The following SNRPE variants were observed in gnomAD, a reference collection of about 807,000 sequenced individuals.
SNRPE encodes small nuclear ribonucleoprotein E.
For synonymous variants in SNRPE, 35 were observed against 36.7 expected (o/e 0.95, Z 0.17); for missense variants, 53 against 111.6 (o/e 0.48, Z 2.36).
chr1:203,863,398 A>C (rs912872781), intron 2 of SNRPE, among the ~76,000 whole-genome samples: 1 of 151,808 alleles, frequency 6.6e-6, no homozygotes, highest in African/African-American at 2.4e-5. Context: ...GCTCACTGCA[A>C]CCTCTGCCTC....
intron 4 of SNRPE, among the ~76,000 whole-genome samples, chr1:203,865,483 C>T (rs1690067905): frequency 6.6e-6 from 1 of 152,126 alleles, no homozygotes; most frequent in South Asian, 2.1e-4. Context: ...TTTTCTGTTT[C>T]CTCAGTTGAC....
At position 203,865,109 on chromosome 1, in the gene SNRPE, A is replaced by G; in HGVS notation, c.213A>G (p.Arg71=). The change falls in exon 4 of 5, where the codon AGA becomes AGG. Residue 71 remains arginine (R), a synonymous_variant. Coordinates refer to ENST00000414487, the MANE Select transcript of SNRPE (RefSeq NM_003094.4). ...AEEIHSKTKS[R]KQLGRIMLKG... ...AGATTCATTCTAAAACAAAGTCAAG[A>G]AAACAACTGGGTAAGGATAGAAGTG... is the stretch of plus-strand genomic sequence containing the variant. 6.2e-7 allele frequency: 1 copy of G among 1,612,740 alleles called. No individual in the cohort carries two copies. The highest frequency in any genetic ancestry group is 8.5e-7 in the Non-Finnish European group (1 of 1,179,270).
At chr1:203,868,897 A>G (rs979732065) in intron 4 of SNRPE, among the ~76,000 whole-genome samples, 7 of 152,044 alleles carry the variant, frequency 4.6e-5, no homozygotes, top group African/African-American at 1.7e-4. Context: ...CTCGAATCCT[A>G]AGCTCAGGCA....
chr1:203,863,528 C>T lies in SNRPE; in HGVS notation c.82-135C>T, dbSNP rs1690020195. 2.5e-5 allele frequency: 16 copies of T among 645,206 alleles called. 1 individual carries two copies. Among genetic ancestry groups the T allele is most frequent in the South Asian group, 5.9e-5 (3 of 50,524 alleles). 40.0% of individuals were successfully genotyped at this position (645,206 alleles called of 1,614,324 possible). A position where few individuals can be genotyped will look rare whatever the true frequency, so the allele number is the denominator to read the frequency against. ...TAGAGATGGGGTTTCACCATGTTAA[C>T]GAGGATGGTCTCTATCTCTTGACCT... On this transcript the variant is annotated intron_variant, in intron 2 of 4. Transcript: ENST00000414487.
rs1365408167 is a variant in SNRPE, at chr1:203,870,119, T to A, written c.*187T>A. On this transcript the variant is annotated 3_prime_UTR_variant, in exon 5 of 5. Coordinates refer to ENST00000414487, the MANE Select transcript of SNRPE (RefSeq NM_003094.4). Reference sequence around the variant, plus strand: ...CTTCTTACTATTCAGCAGTAGAAACTTTTTACACAGTAACACCATTCGTTG... The same window carrying A: ...CTTCTTACTATTCAGCAGTAGAAACATTTTACACAGTAACACCATTCGTTG... The A allele has an allele frequency of 2.0e-6, 1 of 495,302 alleles. No individual in the cohort carries two copies. The highest frequency in any genetic ancestry group is 2.0e-5 in the African/African-American group (1 of 50,038). 30.7% of individuals were successfully genotyped at this position (495,302 alleles called of 1,614,324 possible).
intron 1 of SNRPE, 65 bp downstream of exon 1, chr1:203,861,778 C>A: frequency 1.7e-6 from 2 of 1,194,390 alleles, no homozygotes; most frequent in Non-Finnish European, 2.5e-6. Flanking sequence ...AAGGCGCAGG[C>A]TGAGGGCAGG....
Position 203,870,106 on chromosome 1 carries a change from C to T in SNRPE, c.*174C>T. On this transcript the variant is annotated 3_prime_UTR_variant, in exon 5 of 5. Transcript: ENST00000414487. Reference sequence around the variant, plus strand: ...AAAATTTACATTGCTTCTTACTATTCAGCAGTAGAAACTTTTTACACAGTA... The same window carrying T: ...AAAATTTACATTGCTTCTTACTATTTAGCAGTAGAAACTTTTTACACAGTA... The T allele has an allele frequency of 4.0e-6, 2 of 504,794 alleles. No homozygotes were observed. The highest frequency in any genetic ancestry group is 8.1e-5 in the Admixed American group (2 of 24,802). 31.3% of individuals were successfully genotyped at this position (504,794 alleles called of 1,614,324 possible). A position where few individuals can be genotyped will look rare whatever the true frequency, so the allele number is the denominator to read the frequency against.
At chr1:203,864,053 C>T (rs1690035788) in intron 3 of SNRPE, among the ~76,000 whole-genome samples, 1 of 152,124 alleles carries the variant, frequency 6.6e-6, no homozygotes, top group Non-Finnish European at 1.5e-5. Context: ...CTCCCGGGCT[C>T]AAGTAGTCCT....
intron 2 of SNRPE, among the ~76,000 whole-genome samples, chr1:203,863,330 C>CA (rs1558156430): frequency 6.6e-6 from 1 of 151,654 alleles, no homozygotes; most frequent in Non-Finnish European, 1.5e-5. Context: ...TTTTTCTTTT[C>CA]TTTTTTTTGA....
At chr1:203,862,125 C>T in intron 1 of SNRPE, 71 bp from the exon 2 acceptor site, 1 of 1,185,324 alleles carries the variant, frequency 8.4e-7, no homozygotes, top group Non-Finnish European at 1.3e-6. Flanking sequence ...ACGGGAATAG[C>T]GTCGTCCGGT....
At chr1:203,864,898 A>AC in intron 3 of SNRPE, 143 bp from the exon 4 acceptor site, 29 of 448,634 alleles carry the variant, frequency 6.5e-5, no homozygotes, top group Non-Finnish European at 7.9e-5. Flanking sequence ...AAAAAAAAAA[A>AC]AAACTTTGGG....
At chr1:203,867,148 C>T (rs1405651532) in intron 4 of SNRPE, among the ~76,000 whole-genome samples, 4 of 142,124 alleles carry the variant, frequency 2.8e-5, no homozygotes, top group Admixed American at 7.4e-5. Context: ...GGCATGGTGG[C>T]GGGTGCCTGT....
intron 4 of SNRPE, among the ~76,000 whole-genome samples, chr1:203,866,837 C>T (rs995361530): frequency 6.6e-6 from 1 of 151,906 alleles, no homozygotes; most frequent in African/African-American, 2.4e-5. Flanking sequence ...CATCTCGTAT[C>T]ACTGCCTCAC....
intron 1 of SNRPE, 119 bp from the exon 2 acceptor site, chr1:203,862,077 G>GT: frequency 1.3e-6 from 1 of 789,668 alleles, no homozygotes; most frequent in Non-Finnish European, 2.2e-6. Context: ...TGTTGTTTGC[G>GT]TAAGCACCAG....
chr1:203,870,641 C>T lies in SNRPE; in HGVS notation c.*709C>T, dbSNP rs964875047. 1.3e-5 allele frequency: 2 copies of T among 152,194 alleles called. No individual in the cohort carries two copies. The highest frequency in any genetic ancestry group is 4.8e-5 in the African/African-American group (2 of 41,458). The allele number at this position is 152,194 out of a possible 1,614,324, so 9.4% of individuals were successfully genotyped here. On this transcript the variant is annotated 3_prime_UTR_variant, in exon 5 of 5. Transcript: ENST00000414487. ...TGGTATGTTGGAGAAATACACCTGT[C>T]TCTTATTCTTATCTCTTAAGAATTT... is the stretch of plus-strand genomic sequence containing the variant.
rs1690183782 is a variant in SNRPE, at chr1:203,870,054, T to C, written c.*122T>C. 1.7e-6 allele frequency: 1 copy of C among 598,874 alleles called. No homozygotes were observed. Among genetic ancestry groups the C allele is most frequent in the African/African-American group, 1.9e-5 (1 of 52,768 alleles). 37.1% of individuals were successfully genotyped at this position (598,874 alleles called of 1,614,324 possible). A position where few individuals can be genotyped will look rare whatever the true frequency, so the allele number is the denominator to read the frequency against. ...CCCTCGTGTTACTACAAGATGGCAA[T>C]AAATACTATGGGATTGTTTGTATTA... On this transcript the variant is annotated 3_prime_UTR_variant, in exon 5 of 5. Transcript: ENST00000414487.
Position 203,868,973 on chromosome 1 carries a change from T to G in SNRPE, c.224-904T>G, listed in dbSNP as rs74693124. ...TGTGAGCCACCATACCCAGCCGGGTTTTTTAGATTTAAAGATGTCTTGCCA... is the reference window on the plus strand; with the variant it reads ...TGTGAGCCACCATACCCAGCCGGGTGTTTTAGATTTAAAGATGTCTTGCCA... On this transcript the variant is annotated intron_variant, in intron 4 of 4. Transcript: ENST00000414487. Among the ~76,000 whole-genome samples the G allele has an allele frequency of 6.6e-4, 101 of 152,296 alleles. 1 individual carries two copies. In the East Asian group the frequency reaches 0.011, roughly 17 times the overall value.
At chr1:203,863,990 T>A (rs1171499841) in intron 3 of SNRPE, among the ~76,000 whole-genome samples, 1 of 152,186 alleles carries the variant, frequency 6.6e-6, no homozygotes, top group Admixed American at 6.5e-5. Flanking sequence ...GGCTTTGTTC[T>A]GTTGCTTAGG....
intron 4 of SNRPE, 46 bp downstream of exon 4, chr1:203,865,165 A>G (rs1218875334): frequency 6.5e-7 from 1 of 1,538,106 alleles, no homozygotes; most frequent in East Asian, 2.3e-5. Flanking sequence ...TATTTTATTC[A>G]CTTGCAGAAT....
Sources: allele counts gnomAD v4.1 joint callset (sites outside exome capture counted in the v4.1 genomes callset), GRCh38; gene constraint gnomAD v4.1.1; transcripts MANE v1.5; gene names NCBI Gene and HGNC (gene_info 2026-07-23, HGNC 2026-07-21).